Variants in ABL1 observed in about 807,000 individuals in gnomAD.
ABL1 encodes the protein ABL proto-oncogene 1, non-receptor tyrosine kinase.
In ABL1, 11 loss-of-function variants were observed where a neutral mutation model predicts 94.7. The ratio of observed to expected loss-of-function variants is 0.12; its 90% CI spans 0.07 to 0.19. The LOEUF is 0.19. ABL1 is among the 10% of genes least tolerant of loss of function. ABL1 has a pLI of 1.00. For synonymous variants in ABL1, 656 were observed against 622.4 expected (o/e 1.05, Z -0.80); for missense variants, 1,082 against 1,489.4 (o/e 0.73, Z 4.50).
intron 1 of ABL1, among the ~76,000 whole-genome samples, chr9:130,745,006 T>G (rs1197770634): frequency 6.6e-6 from 1 of 152,108 alleles, no homozygotes; most frequent in Non-Finnish European, 1.5e-5. Flanking sequence ...TTCAACTGTT[T>G]GCTTTTATCT....
At chr9:130,828,470 T>C (rs1204173619) in intron 1 of ABL1, among the ~76,000 whole-genome samples, 4 of 152,244 alleles carry the variant, frequency 2.6e-5, no homozygotes, top group Admixed American at 1.3e-4. Context: ...ACAAAAGTAA[T>C]TGGGGCTTTT....
At chr9:130,812,720 G>GT (rs150980876) in intron 1 of ABL1, among the ~76,000 whole-genome samples, 7,033 of 152,202 alleles carry the variant, frequency 0.046, 518 homozygotes, top group African/African-American at 0.16. Flanking sequence ...ATAGTTGAAG[G>GT]TTTAACAACT....
At chr9:130,763,261 T>A (rs1044776374) in intron 1 of ABL1, among the ~76,000 whole-genome samples, 17 of 152,060 alleles carry the variant, frequency 1.1e-4, no homozygotes, top group African/African-American at 3.1e-4. Context: ...TGGAAAAAAA[T>A]TTAAATTTAG....
At chr9:130,803,423 C>CTG (rs1830083180) in intron 1 of ABL1, among the ~76,000 whole-genome samples, 2 of 152,190 alleles carry the variant, frequency 1.3e-5, no homozygotes, top group African/African-American at 2.4e-5. Flanking sequence ...ATGCATGTTT[C>CTG]TGTCATGTCT....
intron 1 of ABL1, among the ~76,000 whole-genome samples, chr9:130,807,082 A>G (rs1332293699): frequency 2.0e-5 from 3 of 151,826 alleles, no homozygotes; most frequent in Admixed American, 6.6e-5. Flanking sequence ...CCCGGGAGGC[A>G]GAGGTTGCAG....
intron 8 of ABL1, among the ~76,000 whole-genome samples, chr9:130,878,791 C>T (rs1831397255): frequency 6.6e-6 from 1 of 151,768 alleles, no homozygotes; most frequent in Non-Finnish European, 1.5e-5. Flanking sequence ...TGATAGATAC[C>T]AAACCTGGGT....
intron 6 of ABL1, 48 bp from the exon 7 acceptor site, chr9:130,874,820 T>C (rs776895308): frequency 2.1e-5 from 33 of 1,589,166 alleles, no homozygotes; most frequent in Non-Finnish European, 2.7e-5. Context: ...ATTTGTGAAG[T>C]GGAAGGTTGG....
rs556706660 is a variant in ABL1, at chr9:130,796,427, C to G, written c.137-57637C>G. Among the ~76,000 whole-genome samples the G allele has an allele frequency of 1.2e-3, 189 of 152,218 alleles. 1 individual carries two copies. Among genetic ancestry groups the G allele is most frequent in the African/African-American group, 4.5e-3 (186 of 41,552 alleles). ...TTGGAAGGCTGAGGCACAAAAATCACTTAAATCTGAGAGGTGGAGGTTGCA... is the reference window on the plus strand; with the variant it reads ...TTGGAAGGCTGAGGCACAAAAATCAGTTAAATCTGAGAGGTGGAGGTTGCA... On this transcript the variant is annotated intron_variant, in intron 1 of 10. Coordinates refer to the ABL1 transcript ENST00000372348.
intron 7 of ABL1, among the ~76,000 whole-genome samples, chr9:130,876,028 A>G (rs1326019906): frequency 6.6e-6 from 1 of 152,066 alleles, no homozygotes; most frequent in Non-Finnish European, 1.5e-5. Context: ...GGGTTTTACC[A>G]TGTTGGCCAG....
intron 3 of ABL1, among the ~76,000 whole-genome samples, chr9:130,861,432 C>G (rs1265739992): frequency 1.3e-5 from 2 of 152,184 alleles, no homozygotes; most frequent in African/African-American, 2.4e-5. Flanking sequence ...TTGTATATTT[C>G]TTTGCTACCT....
intron 7 of ABL1, among the ~76,000 whole-genome samples, chr9:130,876,574 C>T (rs537393651): frequency 1.3e-4 from 19 of 150,788 alleles, no homozygotes; most frequent in South Asian, 2.1e-4. Flanking sequence ...CCTGCCACCA[C>T]GCCTGGCTAA....
At chr9:130,715,182 G>A (rs2132663125) in intron 1 of ABL1, among the ~76,000 whole-genome samples, 1 of 152,298 alleles carries the variant, frequency 6.6e-6, no homozygotes, top group Middle Eastern at 3.4e-3. Context: ...AATGCTGCCC[G>A]TACATTTTAT....
At chr9:130,806,400 G>A (rs540155140) in intron 1 of ABL1, among the ~76,000 whole-genome samples, 3 of 152,306 alleles carry the variant, frequency 2.0e-5, no homozygotes, top group Non-Finnish European at 4.4e-5. Context: ...ATTACTGTAG[G>A]TAGTTGTACC....
intron 1 of ABL1, among the ~76,000 whole-genome samples, chr9:130,799,743 A>G (rs138684558): frequency 1.8e-4 from 28 of 152,356 alleles, no homozygotes; most frequent in African/African-American, 6.3e-4. Flanking sequence ...AAATTTGCCA[A>G]TAGTAACTCC....
intron 1 of ABL1, among the ~76,000 whole-genome samples, chr9:130,793,971 T>TC (rs1829941589): frequency 6.6e-6 from 1 of 152,166 alleles, no homozygotes; most frequent in South Asian, 2.1e-4. Context: ...TTGTCTCTTA[T>TC]CACTCCCAGA....
At chr9:130,838,273 A>ATTGTGACAATT (rs11268726) in intron 1 of ABL1, among the ~76,000 whole-genome samples, 34,536 of 151,988 alleles carry the variant, frequency 0.23, 4,984 homozygotes, top group African/African-American at 0.41. Context: ...TGCTCTACTG[A>ATTGTGACAATT]TGTCTCTTTT....
intron 1 of ABL1, among the ~76,000 whole-genome samples, chr9:130,793,011 C>T (rs992754889): frequency 3.9e-5 from 6 of 152,172 alleles, no homozygotes; most frequent in Admixed American, 6.5e-5. Flanking sequence ...CTGCAGCCTC[C>T]GTCTCTGAGG....
At chr9:130,837,862 TA>T (rs1830612555) in intron 1 of ABL1, among the ~76,000 whole-genome samples, 1 of 152,180 alleles carries the variant, frequency 6.6e-6, no homozygotes, top group East Asian at 1.9e-4. Flanking sequence ...AGTCAGTGTT[TA>T]TTGACGCCCA....
chr9:130,766,155 G>A (rs1041465693), intron 1 of ABL1, among the ~76,000 whole-genome samples: 6 of 152,318 alleles, frequency 3.9e-5, no homozygotes, highest in East Asian at 1.9e-4. Context: ...GCGTTGGTGC[G>A]CTCTCAAGAA....
Sources: allele counts gnomAD v4.1 joint callset (sites outside exome capture counted in the v4.1 genomes callset), GRCh38; gene constraint gnomAD v4.1.1; transcripts MANE v1.5; gene names NCBI Gene and HGNC (gene_info 2026-07-23, HGNC 2026-07-21).